Variants in AGAP6 observed in about 807,000 individuals in gnomAD.
AGAP6 encodes the protein ArfGAP with GTPase domain, ankyrin repeat and PH domain 6, also known as arf-GAP with GTPase, ANK repeat and PH domain-containing protein 6.
AGAP6 carries 29 observed loss-of-function variants against 63.9 expected under a neutral mutation model. That is an observed-to-expected ratio of 0.45 (90% confidence interval 0.34 to 0.62). The LOEUF (loss-of-function observed/expected upper bound fraction) is 0.62. AGAP6 is among the 20% of genes least tolerant of loss of function. AGAP6 has a pLI of 0.01. For missense variants in AGAP6, 493 were observed against 884.9 expected, an observed-to-expected ratio of 0.56 and a Z score of 5.62; for synonymous variants, 199 against 332.9, an observed-to-expected ratio of 0.60 and a Z score of 4.38.
At chr10:49,988,383 A>G, upstream of AGAP6, 2 of 1,279,446 alleles carry the variant, frequency 1.6e-6, no homozygotes, top group Non-Finnish European at 2.0e-6. Flanking sequence ...GTAGGTGACT[A>G]CAGAAGGAGG....
At chr10:49,992,963 T>C (rs1471741430) in intron 3 of AGAP6, among the ~76,000 whole-genome samples, 10 of 152,366 alleles carry the variant, frequency 6.6e-5, no homozygotes, top group African/African-American at 2.2e-4. Context: ...GGTTTCACCA[T>C]GTTGGCCAGG....
chr10:50,005,268 A>C (rs1459184714), intron 6 of AGAP6, among the ~76,000 whole-genome samples: 13 of 152,234 alleles, frequency 8.5e-5, no homozygotes, highest in Non-Finnish European at 1.5e-4. Flanking sequence ...TGTTGAGCTT[A>C]ATAGGAGACA....
intron 6 of AGAP6, among the ~76,000 whole-genome samples, chr10:50,005,259 G>A (rs1156379841): frequency 2.0e-5 from 3 of 152,228 alleles, no homozygotes; most frequent in African/African-American, 7.2e-5. Context: ...AGTCTCTCAT[G>A]TTGAGCTTAA....
In AGAP6 at chr10:49,991,700, A is replaced by G. The variant is rs1841287146; in HGVS notation, c.317A>G (p.Asn106Ser). ...TEALEFNPSA[N>S]PEASTIFQRN... ...GCTTTGGAGTTTAACCCTTCTGCCAATCCAGAGGCAAGCACAATATTCCAG... is the reference window on the plus strand; with the variant it reads ...GCTTTGGAGTTTAACCCTTCTGCCAGTCCAGAGGCAAGCACAATATTCCAG... Residue 106 changes from asparagine (N) to serine (S), a missense_variant, in exon 3 of 8, where the codon AAT (asparagine) becomes AGT (serine). By Grantham distance (46) the Asn-to-Ser change is conservative. Transcript: ENST00000412531. 3 of 1,598,644 alleles carry G rather than the reference A, an allele frequency of 1.9e-6. No homozygotes were observed. The African/African-American group carries it at 4.0e-5, about 21-fold the overall frequency.
At chr10:50,005,057 G>A (rs1382556484) in intron 6 of AGAP6, among the ~76,000 whole-genome samples, 3 of 152,078 alleles carry the variant, frequency 2.0e-5, no homozygotes, top group Admixed American at 2.0e-4. Context: ...GGACTGTCTT[G>A]TGCATTGCAG....
At position 49,989,308 on chromosome 10, in the gene AGAP6, CT is replaced by C. The variant is rs782595253; in HGVS notation, c.227del (p.Leu76TrpfsTer47). ...TTCTTTTCTCCCTCTATACATATAG[CT>C]TTGGAGTTTAACCTTTCTGCCAATC... ...HHVRDREMPE[A>X]LEFNLSANPE... On this transcript the variant is annotated frameshift_variant and splice_region_variant, in exon 2 of 8. Coordinates refer to ENST00000412531, the MANE Select transcript of AGAP6 (RefSeq NM_001077665.3). LOFTEE classifies it high-confidence loss of function. 6.3e-7 allele frequency: 1 copy of C among 1,597,370 alleles called. No individual in the cohort carries two copies. Among genetic ancestry groups the C allele is most frequent in the Admixed American group, 1.7e-5 (1 of 59,996 alleles).
chr10:49,990,214 A>G (rs1287529508), intron 2 of AGAP6, among the ~76,000 whole-genome samples: 1 of 152,154 alleles, frequency 6.6e-6, no homozygotes, highest in Admixed American at 6.5e-5. Flanking sequence ...TGTGGCAGGC[A>G]GATCACCTGA....
Position 50,009,225 on chromosome 10 carries a change from T to G in AGAP6, c.1100T>G (p.Met367Arg). 6.2e-7 allele frequency: 1 copy of G among 1,614,228 alleles called. No homozygotes were observed. The change falls in exon 8 of 8, where the codon ATG becomes AGG. Residue 367 changes from methionine to arginine, a missense_variant. Physicochemically the swap from Met to Arg is moderately conservative, Grantham distance 91. Transcript: ENST00000412531. Reference sequence around the variant, plus strand: ...AAAAGCAATGGCCTATCCAAGGACATGGACACCGGGCTGGGTGACTCCATA... The same window carrying G: ...AAAAGCAATGGCCTATCCAAGGACAGGGACACCGGGCTGGGTGACTCCATA... The part of the protein sequence containing the change: ...SSKSNGLSKD[M>R]DTGLGDSICF...
chr10:50,005,036 C>G (rs1554863618), intron 6 of AGAP6, among the ~76,000 whole-genome samples: 1 of 152,054 alleles, frequency 6.6e-6, no homozygotes, highest in Non-Finnish European at 1.5e-5. Flanking sequence ...CTAGATAATG[C>G]TTTGTTGTGA....
intron 2 of AGAP6, among the ~76,000 whole-genome samples, chr10:49,991,402 T>TC (rs1485365782): frequency 1.1e-3 from 169 of 150,604 alleles, no homozygotes; most frequent in African/African-American, 4.0e-3. Flanking sequence ...TTTTTTTTTT[T>TC]TTTAATAAAG....
chr10:50,004,614 C>A, intron 5 of AGAP6, 71 bp from the exon 6 acceptor site: 1 of 767,704 alleles, frequency 1.3e-6, no homozygotes, highest in Non-Finnish European at 2.0e-6. Flanking sequence ...CCTCTGCCCC[C>A]CTTTTAAAAA....
chr10:50,009,624 T>TA lies in AGAP6; in HGVS notation c.1499_1500insA (p.Glu501Ter). ...TTGAACTTGGGAGTCCTCATGTGTA[T>TA]TGAATGCTCAGGTATCCACCGCAGT... On this transcript the variant is annotated frameshift_variant, in exon 8 of 8. Transcript: ENST00000412531. LOFTEE classifies it high-confidence loss of function. 1 of 1,614,092 alleles carries TA rather than the reference T, an allele frequency of 6.2e-7. No homozygotes were observed. Among genetic ancestry groups the TA allele is most frequent in the East Asian group, 2.2e-5 (1 of 44,902 alleles).
chr10:49,993,311 A>C (rs1554861389), intron 3 of AGAP6, among the ~76,000 whole-genome samples: 2 of 152,168 alleles, frequency 1.3e-5, no homozygotes, highest in South Asian at 4.1e-4. Flanking sequence ...AAGCAGTAAA[A>C]GAAAAGCTAT....
chr10:50,008,830 C>T lies in AGAP6; in HGVS notation c.705C>T (p.Pro235=), dbSNP rs782261788. The T allele has an allele frequency of 7.4e-6, 12 of 1,613,994 alleles. No individual in the cohort carries two copies. Among genetic ancestry groups the T allele is most frequent in the African/African-American group, 1.3e-5 (1 of 74,902 alleles). The part of the protein sequence containing the change: ...SQEDPQFSVP[P]TANTPTPVCK... ...AGGACCCTCAGTTCAGTGTTCCTCC[C>T]ACTGCCAACACACCCACGCCCGTTT... Residue 235 remains proline (P), a synonymous_variant, in exon 8 of 8, where the codon CCC becomes CCT. Transcript: ENST00000412531.
chr10:50,006,552 T>C (rs1345972358), intron 6 of AGAP6, among the ~76,000 whole-genome samples: 3 of 152,198 alleles, frequency 2.0e-5, no homozygotes, highest in East Asian at 3.8e-4. Flanking sequence ...TTTTCTTATA[T>C]GTTTGACAGT....
chr10:50,004,862 G>A, intron 6 of AGAP6, 142 bp downstream of exon 6: 1 of 1,171,474 alleles, frequency 8.5e-7, no homozygotes, highest in South Asian at 1.4e-5. Flanking sequence ...TATTTTCTTT[G>A]TTCCTTAAGA....
intron 6 of AGAP6, among the ~76,000 whole-genome samples, chr10:50,005,227 G>A (rs1413446310): frequency 7.2e-5 from 11 of 152,182 alleles, no homozygotes; most frequent in South Asian, 2.1e-4. Flanking sequence ...TAAAAAGTGC[G>A]TCATGTATTT....
At position 50,002,036 on chromosome 10, in the gene AGAP6, C is replaced by T. The variant is rs543630380; in HGVS notation, c.437C>T (p.Ser146Leu). Reference sequence around the variant, plus strand: ...TTCAGTCAACAATACAGCTTGTGTTCGACAATATTCCTTGATGACAGCACA... The same window carrying T: ...TTCAGTCAACAATACAGCTTGTGTTTGACAATATTCCTTGATGACAGCACA... ...VRFSQQYSLC[S>L]TIFLDDSTAI... Residue 146 changes from serine (S) to leucine (L), a missense_variant, in exon 5 of 8, where the codon TCG (serine) becomes TTG (leucine). Transcript: ENST00000412531. 51 of 1,612,430 alleles carry T rather than the reference C, an allele frequency of 3.2e-5. No individual in the cohort carries two copies. The Middle Eastern group carries it at 7.2e-4, about 23-fold the overall frequency.
chr10:49,990,882 G>T (rs1554860732), intron 2 of AGAP6, among the ~76,000 whole-genome samples: 1 of 152,050 alleles, frequency 6.6e-6, no homozygotes, highest in Non-Finnish European at 1.5e-5. Flanking sequence ...AATGCATTAT[G>T]TGAATTAATT....
Sources: allele counts gnomAD v4.1 joint callset (sites outside exome capture counted in the v4.1 genomes callset), GRCh38; gene constraint gnomAD v4.1.1; transcripts MANE v1.5; gene names NCBI Gene and HGNC (gene_info 2026-07-23, HGNC 2026-07-21).